The following MANSC1 variants were observed in gnomAD, a reference collection of about 807,000 sequenced individuals.
MANSC1 encodes the protein MANSC domain containing 1.
Under a neutral mutation model 14.1 loss-of-function variants are expected in MANSC1, and 13 were observed. That is an observed-to-expected ratio of 0.92 (90% CI 0.60 to 1.46). The LOEUF is 1.46. Among genes scored for constraint, MANSC1 ranks in the 40% most tolerant of loss-of-function variants. MANSC1 has a pLI of 0.00. For missense variants in MANSC1, 486 were observed against 511.4 expected, an observed-to-expected ratio of 0.95 and a Z score of 0.48; for synonymous variants, 227 against 200.7, an observed-to-expected ratio of 1.13 and a Z score of -1.11.
Position 12,328,482 on chromosome 12 carries a change from T to C in MANSC1, c.*1545A>G. 2 of 151,442 alleles carry C rather than the reference T, an allele frequency of 1.3e-5. No homozygotes were observed. The highest frequency in any genetic ancestry group is 2.9e-5 in the Non-Finnish European group (2 of 67,884). The allele number at this position is 151,442 out of a possible 1,614,324, so 9.4% of individuals were successfully genotyped here. A position where few individuals can be genotyped will look rare whatever the true frequency, so the allele number is the denominator to read the frequency against. The stretch of plus-strand genomic sequence containing the variant: ...CGTGTTAGCCAGGATGGTCTCGATC[T>C]CCTGACCTCGTGATTTGCCCATCTC... On this transcript the variant is annotated 3_prime_UTR_variant, in exon 4 of 4. Coordinates refer to ENST00000535902, the MANE Select transcript of MANSC1 (RefSeq NM_018050.4).
At position 12,330,462 on chromosome 12, in the gene MANSC1, A is replaced by G. The variant is rs371085252; in HGVS notation, c.861T>C (p.Phe287=). The G allele has an allele frequency of 1.3e-5, 21 of 1,614,086 alleles. No individual in the cohort carries two copies. Among genetic ancestry groups the G allele is most frequent in the Middle Eastern group, 1.6e-4 (1 of 6,084 alleles). The part of the protein sequence containing the change: ...QPPTTLISTV[F]TRAAATLQAM... ...CTTGGAGTGTAGCCGCAGCCCGTGT[A>G]AAAACTGTAGAAATGAGGGTCGTGG... Residue 287 remains phenylalanine (F), a synonymous_variant, in exon 4 of 4, where the codon TTT becomes TTC. Transcript: ENST00000535902.
intron 2 of MANSC1, among the ~76,000 whole-genome samples, chr12:12,341,790 A>G (rs1862936400): frequency 6.6e-6 from 1 of 152,234 alleles, no homozygotes; most frequent in Non-Finnish European, 1.5e-5. Flanking sequence ...CAGGAGTTCA[A>G]GACTAGCCTG....
chr12:12,344,301 G>T (rs1442281471), intron 1 of MANSC1, among the ~76,000 whole-genome samples: 1 of 151,978 alleles, frequency 6.6e-6, no homozygotes, highest in Admixed American at 6.6e-5. Context: ...ATTGATTCCG[G>T]GTGTGTCTGT....
intron 3 of MANSC1, among the ~76,000 whole-genome samples, chr12:12,334,941 G>A (rs1168764417): frequency 6.6e-6 from 1 of 152,036 alleles, no homozygotes; most frequent in East Asian, 1.9e-4. Flanking sequence ...GGCACCCTGG[G>A]CAGTATCATT....
chr12:12,344,563 G>A (rs1315595672), intron 1 of MANSC1, among the ~76,000 whole-genome samples: 4 of 151,220 alleles, frequency 2.6e-5, no homozygotes, highest in Non-Finnish European at 5.9e-5. Flanking sequence ...TCCACCTCTT[G>A]GGTTCGAGTG....
At position 12,338,516 on chromosome 12, in the gene MANSC1, C is replaced by CTGT; in HGVS notation, c.265_267dup (p.Thr89dup). 1 of 1,613,730 alleles carries CTGT rather than the reference C, an allele frequency of 6.2e-7. No homozygotes were observed. Among genetic ancestry groups the CTGT allele is most frequent in the Non-Finnish European group, 8.5e-7 (1 of 1,179,906 alleles). On this transcript the variant is annotated inframe_insertion, in exon 3 of 4. Transcript: ENST00000535902. ...AATAGGTAGCAGTTGGGTTGTCTAGCTGTTTTTCGAGTGTCGAAGATCATC... is the reference window on the plus strand; with the variant it reads ...AATAGGTAGCAGTTGGGTTGTCTAGCTGTTGTTTTTCGAGTGTCGAAGATCATC...
At chr12:12,339,252 A>T (rs1355873582) in intron 2 of MANSC1, 1 of 152,394 alleles carries the variant, frequency 6.6e-6, no homozygotes, top group African/African-American at 2.4e-5. Flanking sequence ...AACTGGGATT[A>T]TTTATTTTTT....
chr12:12,342,947 C>T lies in MANSC1; in HGVS notation c.223+145G>A, dbSNP rs915024602. ...ACTCAGCTTAGGAGAGGGGAGGGCACACTTGTAGAAAATTCTCCAGTGATT... is the reference window on the plus strand; with the variant it reads ...ACTCAGCTTAGGAGAGGGGAGGGCATACTTGTAGAAAATTCTCCAGTGATT... On this transcript the variant is annotated intron_variant, in intron 2 of 3. Transcript: ENST00000535902. 13 of 633,256 alleles carry T rather than the reference C, an allele frequency of 2.1e-5. No individual in the cohort carries two copies. The African/African-American group carries it at 2.4e-4, about 12-fold the overall frequency. The allele number at this position is 633,256 out of a possible 1,614,324, so 39.2% of individuals were successfully genotyped here.
At chr12:12,332,004 C>T (rs1054701795) in intron 3 of MANSC1, among the ~76,000 whole-genome samples, 10 of 152,108 alleles carry the variant, frequency 6.6e-5, no homozygotes, top group African/African-American at 2.4e-4. Context: ...GAGGAGAAAC[C>T]AGCCCCAGAT....
intron 3 of MANSC1, among the ~76,000 whole-genome samples, chr12:12,335,416 C>T (rs11054819): frequency 0.41 from 61,888 of 151,002 alleles, 14,442 homozygotes; most frequent in Middle Eastern, 0.6. Flanking sequence ...TCTCAGCTCA[C>T]TGCAACCTCT....
rs1408677793 is a variant in MANSC1 at position 12,329,967 on chromosome 12, A to G, written c.*60T>C. ...CCTGCTAAGACTAGCAAGTCAGCAG[A>G]AACTCATTGCATTTGGGCTTCTGGT... On this transcript the variant is annotated 3_prime_UTR_variant, in exon 4 of 4. Transcript: ENST00000535902. The G allele has an allele frequency of 1.4e-6, 2 of 1,416,852 alleles. No individual in the cohort carries two copies. Among genetic ancestry groups the G allele is most frequent in the Non-Finnish European group, 1.9e-6 (2 of 1,028,406 alleles). 87.8% of individuals were successfully genotyped at this position (1,416,852 alleles called of 1,614,324 possible). A position where few individuals can be genotyped will look rare whatever the true frequency, so the allele number is the denominator to read the frequency against.
In MANSC1 at chr12:12,329,123, G is replaced by C. The variant is rs953280194; in HGVS notation, c.*904C>G. ...CTAACATTCCGCTAGATTCTCCCAA[G>C]TGAAGCTCTTTGCTCACTGATGGGA... On this transcript the variant is annotated 3_prime_UTR_variant, in exon 4 of 4. Transcript: ENST00000535902. The C allele has an allele frequency of 2.0e-5, 3 of 152,080 alleles. No individual in the cohort carries two copies. The highest frequency in any genetic ancestry group is 4.4e-5 in the Non-Finnish European group (3 of 68,018). 9.4% of individuals were successfully genotyped at this position (152,080 alleles called of 1,614,324 possible).
intron 1 of MANSC1, among the ~76,000 whole-genome samples, chr12:12,343,701 A>G (rs3825259): frequency 0.11 from 17,065 of 152,258 alleles, 962 homozygotes; most frequent in African/African-American, 0.12. Flanking sequence ...GAATTCTACA[A>G]TCCTTCCCTC....
chr12:12,340,229 G>A (rs1212316798), intron 2 of MANSC1, among the ~76,000 whole-genome samples: 4 of 152,152 alleles, frequency 2.6e-5, no homozygotes, highest in Non-Finnish European at 4.4e-5. Context: ...GGAGGTCAGC[G>A]TATCCCTGGT....
At position 12,330,396 on chromosome 12, in the gene MANSC1, T is replaced by C. The variant is rs776054756; in HGVS notation, c.927A>G (p.Ala309=). ...TTAVLTTTFQ[A]PTDSKGSLET... ...CTAAGCTGCCTTTCGAGTCCGTAGG[T>C]GCCTGAAAGGTGGTAGTCAGAACTG... Residue 309 remains alanine, a synonymous_variant, in exon 4 of 4, where the codon GCA becomes GCG. Transcript: ENST00000535902. 1.3e-5 allele frequency: 21 copies of C among 1,614,232 alleles called. No homozygotes were observed. The highest frequency in any genetic ancestry group is 1.8e-5 in the Non-Finnish European group (21 of 1,180,038).
intron 3 of MANSC1, among the ~76,000 whole-genome samples, chr12:12,336,092 C>A (rs1007192886): frequency 3.9e-5 from 6 of 152,176 alleles, no homozygotes; most frequent in Non-Finnish European, 4.4e-5. Flanking sequence ...GAGCTGAGAT[C>A]GCGCCACTGC....
intron 1 of MANSC1, among the ~76,000 whole-genome samples, chr12:12,349,261 C>T (rs1171056574): frequency 6.6e-6 from 1 of 152,156 alleles, no homozygotes. Context: ...ACTTAATACG[C>T]TGCCATATTT....
At chr12:12,335,087 C>A (rs536014380) in intron 3 of MANSC1, among the ~76,000 whole-genome samples, 5 of 152,140 alleles carry the variant, frequency 3.3e-5, no homozygotes, top group Non-Finnish European at 5.9e-5. Context: ...TCTGGATGCT[C>A]AAGGCAAAAA....
intron 1 of MANSC1, among the ~76,000 whole-genome samples, chr12:12,349,338 C>T (rs1457504874): frequency 2.0e-5 from 3 of 152,138 alleles, no homozygotes; most frequent in Admixed American, 6.5e-5. Flanking sequence ...TCTAATGTAG[C>T]CTCTTTTCAA....
Sources: gnomAD v4.1 joint callset for allele counts (sites outside exome capture counted in the v4.1 genomes callset) on GRCh38, gnomAD v4.1.1 for gene constraint, MANE v1.5 for transcripts, NCBI Gene and HGNC (gene_info 2026-07-23, HGNC 2026-07-21) for gene names.